ZNF423: variants seen among roughly 807,000 people sequenced by gnomAD.
The protein encoded by ZNF423 is Ebf-associated zinc finger protein.
ZNF423 carries 12 observed loss-of-function variants against 95.8 expected under a neutral mutation model. The ratio of observed to expected loss-of-function variants is 0.13; its 90% CI spans 0.08 to 0.20. The LOEUF is 0.20. Among genes scored for constraint, ZNF423 ranks in the 10% least tolerant of loss-of-function variants. The pLI, the probability that ZNF423 is intolerant of heterozygous loss-of-function variation, is 1.00. For missense variants in ZNF423, 1,316 were observed against 1,737.1 expected (o/e 0.76, Z 4.31); for synonymous variants, 749 against 711.9 (o/e 1.05, Z -0.83).
At chr16:49,716,686 G>A (rs1390424024) in intron 3 of ZNF423, among the ~76,000 whole-genome samples, 3 of 151,964 alleles carry the variant, frequency 2.0e-5, no homozygotes, top group South Asian at 2.1e-4. Flanking sequence ...TTCCTGTTCC[G>A]AATCCCCCGC....
intron 2 of ZNF423, among the ~76,000 whole-genome samples, chr16:49,756,226 G>A (rs1383175152): frequency 2.0e-5 from 3 of 152,148 alleles, no homozygotes; most frequent in South Asian, 4.2e-4. Flanking sequence ...CATCAGCCCA[G>A]GCCGCCTATC....
At chr16:49,793,004 A>C (rs565216699) in intron 1 of ZNF423, among the ~76,000 whole-genome samples, 2 of 152,252 alleles carry the variant, frequency 1.3e-5, no homozygotes, top group African/African-American at 2.4e-5. Context: ...TCCTGGGCTC[A>C]AGTGATCTCC....
At chr16:49,491,343 G>T (rs749467480) in intron 7 of ZNF423, 39 bp from the exon 8 acceptor site, 1 of 1,613,288 alleles carries the variant, frequency 6.2e-7, no homozygotes, top group Non-Finnish European at 8.5e-7. Flanking sequence ...TGAAGGAGAA[G>T]AATGGAGAGC....
At chr16:49,854,419 G>A in intron 1 of ZNF423, 1 of 985,444 alleles carries the variant, frequency 1.0e-6, no homozygotes, top group South Asian at 4.7e-5. Flanking sequence ...TTCCAGCCAG[G>A]CGCAAGGCTG....
chr16:49,742,771 G>C (rs1357491208), intron 2 of ZNF423, among the ~76,000 whole-genome samples: 1 of 152,086 alleles, frequency 6.6e-6, no homozygotes, highest in African/African-American at 2.4e-5. Flanking sequence ...TAGGATGCTG[G>C]GGCGCAAATC....
chr16:49,576,233 G>A (rs1970495456), intron 5 of ZNF423, among the ~76,000 whole-genome samples: 1 of 152,204 alleles, frequency 6.6e-6, no homozygotes, highest in South Asian at 2.1e-4. Context: ...GATAGACACT[G>A]GGAACACTGG....
chr16:49,842,442 CAGG>C (rs1567368508), intron 1 of ZNF423, among the ~76,000 whole-genome samples: 5 of 147,838 alleles, frequency 3.4e-5, no homozygotes, highest in South Asian at 2.2e-4. Flanking sequence ...GGCAGGCAGG[CAGG>C]CAGGCCCATA....
At position 49,636,369 on chromosome 16, in the gene ZNF423, C is replaced by A. The variant is rs916011550; in HGVS notation, c.2807G>T (p.Gly936Val). 1.2e-6 allele frequency: 2 copies of A among 1,612,876 alleles called. No individual in the cohort carries two copies. Among genetic ancestry groups the A allele is most frequent in the Non-Finnish European group, 1.7e-6 (2 of 1,180,030 alleles). ...TGAACAAACGTTGCACTTGTGACTG[C>A]CCTTGATAAACTCAGCCTTCTTGCG... ...GSRKKAEFIK[G>V]SHKCNVCSRT... is the part of the protein sequence containing the mutation. The change falls in exon 4 of 8, where the codon GGC becomes GTC. Residue 936 changes from glycine to valine, a missense_variant. Physicochemically the swap from Gly to Val is moderately radical, Grantham distance 109. Coordinates refer to ENST00000563137, the MANE Select transcript of ZNF423 (RefSeq NM_001379286.1). This position sits in a 1 kb window ranked among gnomAD's most constrained non-coding sequence, Gnocchi z 8.6.
intron 1 of ZNF423, among the ~76,000 whole-genome samples, chr16:49,792,985 G>A (rs1055629712): frequency 3.9e-5 from 6 of 152,016 alleles, no homozygotes; most frequent in African/African-American, 1.4e-4. Context: ...GCTCAGGCTG[G>A]TCTCAAACTC....
At chr16:49,689,199 T>C (rs904303100) in intron 3 of ZNF423, among the ~76,000 whole-genome samples, 1 of 151,748 alleles carries the variant, frequency 6.6e-6, no homozygotes, top group Admixed American at 6.6e-5. Context: ...CCCAGCACTT[T>C]GGGAGGTCAA....
At chr16:49,705,389 G>A (rs190206470) in intron 3 of ZNF423, among the ~76,000 whole-genome samples, 43 of 152,252 alleles carry the variant, frequency 2.8e-4, no homozygotes, top group Admixed American at 2.4e-3. Flanking sequence ...ATGATAAGCT[G>A]TTTACAACCT....
intron 3 of ZNF423, among the ~76,000 whole-genome samples, chr16:49,657,758 C>G (rs564195241): frequency 6.6e-6 from 1 of 152,366 alleles, no homozygotes; most frequent in South Asian, 2.1e-4. Context: ...CTCCTCGCCA[C>G]ATATGTGCAC....
In ZNF423 at chr16:49,638,796, A is replaced by C; in HGVS notation, c.380T>G (p.Ile127Ser). 1 of 1,614,062 alleles carries C rather than the reference A, an allele frequency of 6.2e-7. No homozygotes were observed. The highest frequency in any genetic ancestry group is 8.5e-7 in the Non-Finnish European group (1 of 1,180,004). Residue 127 changes from isoleucine (I) to serine (S), a missense_variant, in exon 4 of 8, where the codon ATC (isoleucine) becomes AGC (serine). Transcript: ENST00000563137. The surrounding 1 kb of genome is among the most constrained non-coding windows in gnomAD (Gnocchi z 5.6). The part of the protein sequence containing the change: ...SKDVASPTQM[I>S]GDGCDLGLGE... ...GAGGCCGAGGTCACAACCATCTCCG[A>C]TCATCTGCGTGGGTGACGCAACATC...
At chr16:49,518,196 C>T (rs1968233416) in intron 7 of ZNF423, 3 of 381,716 alleles carry the variant, frequency 7.9e-6, no homozygotes, top group Non-Finnish European at 1.5e-5. Context: ...CCTGTGTTGA[C>T]CACATGCACT....
In ZNF423 at chr16:49,596,993, C is replaced by T. The variant is rs79148274; in HGVS notation, c.3601+29177G>A. ...GTGGCTCCTCTCTGCCCTGTTGGGT[C>T]GGCTTGGGCTTCGGGCTCCATCCAA... On this transcript the variant is annotated intron_variant, in intron 5 of 7. Transcript: ENST00000563137. 5.8e-4 allele frequency among the ~76,000 whole-genome samples: 89 copies of T among 152,296 alleles called. No individual in the cohort carries two copies. The East Asian group carries it at 0.012, about 20-fold the overall frequency.
At chr16:49,674,660 C>A (rs2030969301) in intron 3 of ZNF423, among the ~76,000 whole-genome samples, 1 of 152,168 alleles carries the variant, frequency 6.6e-6, no homozygotes, top group African/African-American at 2.4e-5. Flanking sequence ...AGTGAAGGCA[C>A]AGACCAAAGC....
intron 5 of ZNF423, among the ~76,000 whole-genome samples, chr16:49,579,945 G>A (rs183490823): frequency 7.1e-4 from 108 of 152,078 alleles, no homozygotes; most frequent in Non-Finnish European, 1.3e-3. Flanking sequence ...ATACCTTGAC[G>A]CAGCCTCCCC....
chr16:49,823,053 C>G (rs2034964522), intron 1 of ZNF423, among the ~76,000 whole-genome samples: 1 of 152,190 alleles, frequency 6.6e-6, no homozygotes, highest in South Asian at 2.1e-4. Flanking sequence ...ACTAATGACT[C>G]TGGGCAAAGC....
At chr16:49,524,957 G>A (rs1415600079) in intron 6 of ZNF423, among the ~76,000 whole-genome samples, 1 of 152,230 alleles carries the variant, frequency 6.6e-6, no homozygotes, top group Non-Finnish European at 1.5e-5. Flanking sequence ...GGCCAGGGAA[G>A]GGGGAACCAG....
Sources: allele counts gnomAD v4.1 joint callset (sites outside exome capture counted in the v4.1 genomes callset), GRCh38; gene constraint gnomAD v4.1.1; non-coding constraint Gnocchi (gnomAD v3.1); transcripts MANE v1.5; gene names NCBI Gene and HGNC (gene_info 2026-07-23, HGNC 2026-07-21).